The following LARP4 variants were observed in gnomAD, a reference collection of about 807,000 sequenced individuals.
LARP4 encodes the protein La ribonucleoprotein 4.
Under a neutral mutation model 92.9 loss-of-function variants are expected in LARP4, and 29 were observed. The observed-to-expected ratio is 0.31, with a 90% CI of 0.23 to 0.43. The LOEUF (loss-of-function observed/expected upper bound fraction) is 0.43. Ranked by LOEUF, LARP4 falls within the 20% of genes least tolerant of loss-of-function variation. LARP4 has a pLI of 1.00. For synonymous variants in LARP4, 279 were observed against 284.1 expected (o/e 0.98, Z 0.18); for missense variants, 732 against 860.0 (o/e 0.85, Z 1.86).
At chr12:50,414,517 G>C (rs1344462214) in intron 1 of LARP4, among the ~76,000 whole-genome samples, 1 of 152,160 alleles carries the variant, frequency 6.6e-6, no homozygotes, top group Non-Finnish European at 1.5e-5. Context: ...TGCCCAGGCT[G>C]ATCTTGAATT....
chr12:50,463,428 A>C lies in LARP4; in HGVS notation c.1383+798A>C, dbSNP rs910526456. Among the ~76,000 whole-genome samples, 101 of 148,044 alleles carry C rather than the reference A, an allele frequency of 6.8e-4. 2 individuals carry two copies. The highest frequency in any genetic ancestry group is 4.5e-3 in the South Asian group (21 of 4,624). On this transcript the variant is annotated intron_variant, in intron 12 of 15. Coordinates refer to ENST00000398473, the MANE Select transcript of LARP4 (RefSeq NM_052879.5). ...ATGAAACCCCATCTCTCCAAAAAAA[A>C]AAAAAAAAAAAAAAAAAAAATTAGC...
In LARP4 at chr12:50,437,848, T is replaced by A; in HGVS notation, c.639+10T>A. 3 of 1,436,836 alleles carry A rather than the reference T, an allele frequency of 2.1e-6. No homozygotes were observed. The highest frequency in any genetic ancestry group is 3.5e-5 in the Admixed American group (2 of 56,874). 89.0% of individuals were successfully genotyped at this position (1,436,836 alleles called of 1,614,324 possible). On this transcript the variant is annotated intron_variant, in intron 6 of 15. Coordinates refer to ENST00000398473, the MANE Select transcript of LARP4 (RefSeq NM_052879.5). ...AACAACACCAATAGAGGTAAATTAT[T>A]AATAATTGTTAACACTAAATGTTCT...
chr12:50,471,308 A>G (rs1175707805), intron 13 of LARP4, among the ~76,000 whole-genome samples: 1 of 152,198 alleles, frequency 6.6e-6, no homozygotes, highest in Non-Finnish European at 1.5e-5. Flanking sequence ...TACAGTATGT[A>G]TTCTTTTACT....
chr12:50,462,829 C>T (rs1219151586), intron 12 of LARP4, among the ~76,000 whole-genome samples, 199 bp downstream of exon 12: 1 of 152,214 alleles, frequency 6.6e-6, no homozygotes, highest in Non-Finnish European at 1.5e-5. Flanking sequence ...TAGTAAGGAG[C>T]TTCGCTTGTG....
intron 1 of LARP4, among the ~76,000 whole-genome samples, chr12:50,402,489 AGT>A (rs1210405297): frequency 6.6e-6 from 1 of 152,138 alleles, no homozygotes; most frequent in Non-Finnish European, 1.5e-5. Flanking sequence ...ACAGGTTTTA[AGT>A]GTGTGTTTTG....
At chr12:50,408,246 G>T (rs1360760131) in intron 1 of LARP4, among the ~76,000 whole-genome samples, 1 of 124,478 alleles carries the variant, frequency 8.0e-6, no homozygotes, top group Non-Finnish European at 1.6e-5. Flanking sequence ...TGCCCAGGCT[G>T]GAGTGCAATG....
chr12:50,458,181 C>T (rs1481743566), intron 10 of LARP4, among the ~76,000 whole-genome samples: 1 of 152,010 alleles, frequency 6.6e-6, no homozygotes, highest in Admixed American at 6.6e-5. Context: ...TCCAATGATC[C>T]TCCCACCTCA....
chr12:50,418,366 A>C lies in LARP4; in HGVS notation c.19-9396A>C, dbSNP rs139632551. 4.0e-3 allele frequency among the ~76,000 whole-genome samples: 616 copies of C among 152,298 alleles called. 5 individuals are homozygous for C. Among genetic ancestry groups the C allele is most frequent in the African/African-American group, 0.014 (578 of 41,560 alleles). On this transcript the variant is annotated intron_variant, in intron 1 of 15. Coordinates refer to ENST00000398473, the MANE Select transcript of LARP4 (RefSeq NM_052879.5). ...ACATAATTATTGGGTGGCAGAATAAAGTTTTTCTGTTATACCATAATTGTC... is the reference window on the plus strand; with the variant it reads ...ACATAATTATTGGGTGGCAGAATAACGTTTTTCTGTTATACCATAATTGTC...
intron 4 of LARP4, among the ~76,000 whole-genome samples, chr12:50,433,269 A>ATTTTTTTTTTTTTTTTTTTTTT (rs60797979): frequency 8.5e-6 from 1 of 117,280 alleles, no homozygotes; most frequent in African/African-American, 3.0e-5. Flanking sequence ...CAAAAACGTG[A>ATTTTTTTTTTTTTTTTTTTTTT]TTTTTTTTTT....
At chr12:50,442,481 T>C (rs541098664) in intron 8 of LARP4, among the ~76,000 whole-genome samples, 13 of 152,216 alleles carry the variant, frequency 8.5e-5, no homozygotes, top group South Asian at 2.1e-4. Context: ...TACCAGTTTT[T>C]CCCCCCCTTA....
At chr12:50,414,732 A>C (rs758583272) in intron 1 of LARP4, among the ~76,000 whole-genome samples, 57 of 152,214 alleles carry the variant, frequency 3.7e-4, no homozygotes, top group Non-Finnish European at 6.8e-4. Flanking sequence ...ATGTTGGTGA[A>C]TGTAGTCCTA....
intron 8 of LARP4, among the ~76,000 whole-genome samples, chr12:50,452,182 A>C (rs1388955446): frequency 1.3e-5 from 2 of 152,124 alleles, no homozygotes; most frequent in African/African-American, 4.8e-5. Flanking sequence ...TTTCCTTTGG[A>C]TATACATAGG....
At chr12:50,424,608 T>G (rs1948437941) in intron 1 of LARP4, among the ~76,000 whole-genome samples, 1 of 151,868 alleles carries the variant, frequency 6.6e-6, no homozygotes, top group African/African-American at 2.4e-5. Context: ...TCCACCCACC[T>G]CGGCCTTCCA....
chr12:50,434,860 C>G (rs934638352), intron 4 of LARP4, among the ~76,000 whole-genome samples: 1 of 151,738 alleles, frequency 6.6e-6, no homozygotes, highest in Admixed American at 6.6e-5. Context: ...CTGGCTAACA[C>G]GGTGAAACCC....
chr12:50,427,460 A>G (rs1948973271), intron 1 of LARP4, among the ~76,000 whole-genome samples: 1 of 152,190 alleles, frequency 6.6e-6, no homozygotes, highest in Admixed American at 6.5e-5. Flanking sequence ...TCCTGGGCTT[A>G]TGTGATCCTC....
chr12:50,461,101 C>A (rs961360900), intron 10 of LARP4, 34 bp from the exon 11 acceptor site: 1 of 1,555,872 alleles, frequency 6.4e-7, no homozygotes, highest in African/African-American at 1.4e-5. Flanking sequence ...TCTCGATTTA[C>A]TGCTTTGTGT....
At chr12:50,468,980 A>G (rs1279445413) in intron 13 of LARP4, among the ~76,000 whole-genome samples, 2 of 151,226 alleles carry the variant, frequency 1.3e-5, no homozygotes, top group Non-Finnish European at 3.0e-5. Flanking sequence ...CACCCTGGCA[A>G]TTTTCCTTAC....
chr12:50,408,440 G>A (rs573946412), intron 1 of LARP4, among the ~76,000 whole-genome samples: 2 of 151,972 alleles, frequency 1.3e-5, no homozygotes, highest in South Asian at 2.1e-4. Flanking sequence ...CAGGTGATCC[G>A]CCCTCCTCGG....
chr12:50,434,367 A>G (rs1037629679), intron 4 of LARP4, among the ~76,000 whole-genome samples: 4 of 151,592 alleles, frequency 2.6e-5, no homozygotes, highest in African/African-American at 9.7e-5. Flanking sequence ...AATGTACCTT[A>G]AAGAATCTTT....
Sources: allele counts gnomAD v4.1 joint callset (sites outside exome capture counted in the v4.1 genomes callset), GRCh38; gene constraint gnomAD v4.1.1; transcripts MANE v1.5; gene names NCBI Gene and HGNC (gene_info 2026-07-23, HGNC 2026-07-21).